CCDC38: variants seen among roughly 807,000 people sequenced by gnomAD.
The protein encoded by CCDC38 is coiled-coil domain containing 38.
A neutral mutation model predicts 72.8 loss-of-function variants in CCDC38; 69 were observed. That is an observed-to-expected ratio of 0.95 (90% CI 0.78 to 1.16). The LOEUF is 1.16. CCDC38 is among the 50% of genes most tolerant of loss of function. The probability of loss-of-function intolerance (pLI) is 0.00; values close to 1 mark genes in which losing one functional copy is unlikely to be tolerated. For missense variants in CCDC38, 626 were observed against 638.9 expected (o/e 0.98, Z 0.22); for synonymous variants, 201 against 213.2 (o/e 0.94, Z 0.50).
chr12:95,872,651 T>C (rs2079594180), intron 13 of CCDC38, among the ~76,000 whole-genome samples, 191 bp from the exon 14 acceptor site: 1 of 152,248 alleles, frequency 6.6e-6, no homozygotes, highest in African/African-American at 2.4e-5. Context: ...CTCATCTCAC[T>C]GCAACCTCCG....
intron 14 of CCDC38, 63 bp downstream of exon 14, chr12:95,872,192 T>C (rs1276244205): frequency 1.4e-6 from 2 of 1,432,118 alleles, no homozygotes; most frequent in Non-Finnish European, 9.8e-7. Context: ...CTTGCTAATG[T>C]GTTTGTGGAA....
chr12:95,873,589 T>G (rs1447349815), intron 13 of CCDC38, among the ~76,000 whole-genome samples: 2 of 152,212 alleles, frequency 1.3e-5, no homozygotes, highest in African/African-American at 4.8e-5. Context: ...TCTGTCTCCA[T>G]TGTGAACCCG....
At position 95,917,242 on chromosome 12, in the gene CCDC38, G is replaced by T; in HGVS notation, c.191C>A (p.Ser64Tyr). 1 of 1,604,472 alleles carries T rather than the reference G, an allele frequency of 6.2e-7. No individual in the cohort carries two copies. ...CAGGTATGAATGACTCTTCATTCTG[G>T]ATGAAAAAGTAGTTTTCTGGTAGAC... ...MKVYQKTTFS[S>Y]RMKSHSYLSQ... Residue 64 changes from serine to tyrosine, a missense_variant, in exon 4 of 16, where the codon TCC becomes TAC. Transcript: ENST00000344280.
Position 95,879,819 on chromosome 12 carries a change from A to G in CCDC38, c.991-24T>C, listed in dbSNP as rs554273234. 651 of 1,548,028 alleles carry G rather than the reference A, an allele frequency of 4.2e-4. 9 individuals are homozygous for G. The South Asian group carries it at 7.1e-3, about 17-fold the overall frequency. ...TCCTAATTAATCAATAATGAAGAAT[A>G]TAATTTACTTAAAAATATGCTACCT... is the stretch of plus-strand genomic sequence containing the variant. On this transcript the variant is annotated intron_variant, in intron 11 of 15. Transcript: ENST00000344280. The surrounding 1 kb of genome is among the most constrained non-coding windows in gnomAD (Gnocchi z 5.5).
chr12:95,911,141 G>A (rs180889972), intron 4 of CCDC38, among the ~76,000 whole-genome samples: 1 of 152,218 alleles, frequency 6.6e-6, no homozygotes, highest in Admixed American at 6.5e-5. Context: ...ATGGGGAGAG[G>A]ATCCCCTTTT....
chr12:95,896,514 G>C (rs2079890742), intron 7 of CCDC38: 4 of 152,294 alleles, frequency 2.6e-5, no homozygotes, highest in African/African-American at 4.8e-5. Flanking sequence ...CCTGGTGCAA[G>C]AGTGATATTC....
chr12:95,902,956 T>G (rs1391183355), intron 5 of CCDC38, among the ~76,000 whole-genome samples: 1 of 152,148 alleles, frequency 6.6e-6, no homozygotes, highest in African/African-American at 2.4e-5. Context: ...ATTTATAGAT[T>G]AAATAAATTA....
Position 95,911,361 on chromosome 12 carries a change from A to G in CCDC38, c.305-4910T>C, listed in dbSNP as rs927472139. ...AGTTCTCAAAACCAAATGCAACAAA[A>G]ATAAAAATTGGCAATTCACACCTAA... On this transcript the variant is annotated intron_variant, in intron 4 of 15. Coordinates refer to ENST00000344280, the MANE Select transcript of CCDC38 (RefSeq NM_182496.3). 3.3e-5 allele frequency among the ~76,000 whole-genome samples: 5 copies of G among 152,338 alleles called. 1 individual carries two copies. The East Asian group carries it at 5.8e-4, about 18-fold the overall frequency.
chr12:95,915,694 G>A (rs1400132570), intron 4 of CCDC38, among the ~76,000 whole-genome samples: 1 of 152,182 alleles, frequency 6.6e-6, no homozygotes, highest in African/African-American at 2.4e-5. Context: ...CAGTCTGAGG[G>A]TGACTTCTAT....
chr12:95,927,439 C>T (rs927493308), intron 2 of CCDC38, among the ~76,000 whole-genome samples: 6 of 149,274 alleles, frequency 4.0e-5, no homozygotes, highest in East Asian at 2.0e-4. Flanking sequence ...TGTCTCTGCA[C>T]ATGAGATGGG....
rs774500212 is a variant in CCDC38 at position 95,892,278 on chromosome 12, C to CTTTTTTTT, written c.773-1356_773-1349dup. Among the ~76,000 whole-genome samples the CTTTTTTTT allele has an allele frequency of 1.8e-4, 14 of 76,010 alleles. 2 individuals carry two copies. The highest frequency in any genetic ancestry group is 5.4e-4 in the East Asian group (1 of 1,846). The allele number at this position is 76,010 out of a possible 152,430, so 49.9% of individuals were successfully genotyped here. A position where few individuals can be genotyped will look rare whatever the true frequency, so the allele number is the denominator to read the frequency against. Reference sequence around the variant, plus strand: ...TGACCCCGCTTTCACTTATTACAATCTTTTTTTTTTTTTTTTTTTTTTTGG... The same window carrying CTTTTTTTT: ...TGACCCCGCTTTCACTTATTACAATCTTTTTTTTTTTTTTTTTTTTTTTTTTTTTTTGG... On this transcript the variant is annotated intron_variant, in intron 8 of 15. Coordinates refer to ENST00000344280, the MANE Select transcript of CCDC38 (RefSeq NM_182496.3).
chr12:95,885,655 G>A (rs2079750933), intron 10 of CCDC38: 1 of 154,208 alleles, frequency 6.5e-6, no homozygotes, highest in African/African-American at 2.4e-5. Context: ...TGGAATGAGT[G>A]GATTTGATGT....
chr12:95,909,425 A>G (rs2136708608), intron 4 of CCDC38, among the ~76,000 whole-genome samples: 1 of 152,302 alleles, frequency 6.6e-6, no homozygotes, highest in East Asian at 1.9e-4. Context: ...ACCAAACCAA[A>G]TAAAGCCCTG....
chr12:95,917,671 A>G (rs1301295130), intron 3 of CCDC38, among the ~76,000 whole-genome samples: 4 of 152,014 alleles, frequency 2.6e-5, no homozygotes, highest in Non-Finnish European at 4.4e-5. Flanking sequence ...TCAGGAGTTC[A>G]AGACCAGCCT....
chr12:95,903,315 G>A (rs188869334), intron 5 of CCDC38: 19 of 611,024 alleles, frequency 3.1e-5, no homozygotes, highest in African/African-American at 2.9e-4. Context: ...TCTGCAGAGA[G>A]GATCGTGTTG....
chr12:95,884,260 A>G (rs2079732864), intron 10 of CCDC38, among the ~76,000 whole-genome samples: 2 of 152,248 alleles, frequency 1.3e-5, no homozygotes, highest in Admixed American at 6.5e-5. Context: ...TATACAATCA[A>G]TTGTATTTCT....
rs534996792 is a variant in CCDC38, at chr12:95,893,088, C to G, written c.772+1901G>C. ...GTGCAAAGTTCTCCCCAACCAAGAC[C>G]CAATTCTCTGATACATTTTTGGTAA... On this transcript the variant is annotated intron_variant, in intron 8 of 15. Coordinates refer to ENST00000344280, the MANE Select transcript of CCDC38 (RefSeq NM_182496.3). Among the ~76,000 whole-genome samples, 3 of 152,208 alleles carry G rather than the reference C, an allele frequency of 2.0e-5. No homozygotes were observed. In the East Asian group the frequency reaches 5.8e-4, roughly 29 times the overall value.
chr12:95,940,608 G>T (rs145583588), intron 1 of CCDC38, among the ~76,000 whole-genome samples: 8 of 152,124 alleles, frequency 5.3e-5, no homozygotes, highest in African/African-American at 1.9e-4. Context: ...GCCTACCTTG[G>T]ACAAATACTA....
intron 14 of CCDC38, among the ~76,000 whole-genome samples, chr12:95,870,275 T>C (rs2079567161): frequency 6.6e-6 from 1 of 152,184 alleles, no homozygotes; most frequent in Admixed American, 6.5e-5. Flanking sequence ...ATCCTCAAAT[T>C]GTGAGCAAGA....
Sources: allele counts gnomAD v4.1 joint callset (sites outside exome capture counted in the v4.1 genomes callset), GRCh38; gene constraint gnomAD v4.1.1; non-coding constraint Gnocchi (gnomAD v3.1); transcripts MANE v1.5; gene names NCBI Gene and HGNC (gene_info 2026-07-23, HGNC 2026-07-21).